RUNDC1: variants seen among roughly 807,000 people sequenced by gnomAD.
RUNDC1 encodes the protein RUN domain containing 1.
In RUNDC1, 31 loss-of-function variants were observed where a neutral mutation model predicts 49.3. That is an observed-to-expected ratio of 0.63 (90% CI 0.47 to 0.85). The LOEUF (loss-of-function observed/expected upper bound fraction) is 0.85, where lower values mean the gene tolerates loss of function less well. RUNDC1 is among the 40% of genes least tolerant of loss of function. The probability of loss-of-function intolerance (pLI) is 0.00; values close to 1 mark genes in which losing one functional copy is unlikely to be tolerated. For synonymous variants in RUNDC1, 347 were observed against 348.6 expected, an observed-to-expected ratio of 1.00 and a Z score of 0.05; for missense variants, 715 against 806.7, an observed-to-expected ratio of 0.89 and a Z score of 1.38.
Position 42,980,919 on chromosome 17 carries a change from G to A in RUNDC1, c.343G>A (p.Ala115Thr), listed in dbSNP as rs773602396. ...CCGCCTGCGCCAGGTGGTGCGCGGGGCGCCGGCGGAGCAGCAGCGCCTTCT... is the reference window on the plus strand; with the variant it reads ...CCGCCTGCGCCAGGTGGTGCGCGGGACGCCGGCGGAGCAGCAGCGCCTTCT... Reference protein sequence around the residue: ...QFRLRQVVRGAPAEQQRLLRE... With the variant: ...QFRLRQVVRGTPAEQQRLLRE... Residue 115 changes from alanine (A) to threonine (T), a missense_variant, in exon 1 of 5, where the codon GCG becomes ACG. Around this residue, in one of 5 missense-constraint regions of RUNDC1, gnomAD observed 113 missense variants for 93.4 expected, o/e 1.21. Coordinates refer to ENST00000361677, the MANE Select transcript of RUNDC1 (RefSeq NM_173079.5). 6 of 1,531,138 alleles carry A rather than the reference G, an allele frequency of 3.9e-6. No individual in the cohort carries two copies. The highest frequency in any genetic ancestry group is 2.1e-4 in the Middle Eastern group (1 of 4,856). 94.8% of individuals were successfully genotyped at this position (1,531,138 alleles called of 1,614,324 possible). A position where few individuals can be genotyped will look rare whatever the true frequency, so the allele number is the denominator to read the frequency against.
In RUNDC1 at chr17:42,992,099, C is replaced by T. The variant is rs536576102; in HGVS notation, c.*383C>T. 1.1e-5 allele frequency: 2 copies of T among 188,990 alleles called. No homozygotes were observed. The highest frequency in any genetic ancestry group is 9.6e-5 in the South Asian group (1 of 10,438). 11.7% of individuals were successfully genotyped at this position (188,990 alleles called of 1,614,324 possible). A position where few individuals can be genotyped will look rare whatever the true frequency, so the allele number is the denominator to read the frequency against. On this transcript the variant is annotated 3_prime_UTR_variant, in exon 5 of 5. Coordinates refer to ENST00000361677, the MANE Select transcript of RUNDC1 (RefSeq NM_173079.5). ...ACATGGTGGCAGGCACCTGTAGTCC[C>T]AGCTACTCGGGAGGCTGAGGCAGGA...
intron 1 of RUNDC1, among the ~76,000 whole-genome samples, chr17:42,982,903 C>T (rs1226456674): frequency 1.3e-5 from 2 of 151,122 alleles, no homozygotes; most frequent in African/African-American, 4.9e-5. Context: ...AGGAGAATCG[C>T]TTGAACCTGG....
intron 1 of RUNDC1, 194 bp downstream of exon 1, chr17:42,981,268 G>C (rs1232794082): frequency 1.5e-6 from 1 of 657,148 alleles, no homozygotes; most frequent in African/African-American, 1.9e-5. Flanking sequence ...GAACCTGAGG[G>C]TGAGCGGTGT....
chr17:42,990,210 GTT>G, intron 3 of RUNDC1, 105 bp from the exon 4 acceptor site: 1 of 1,426,724 alleles, frequency 7.0e-7, no homozygotes, highest in Non-Finnish European at 9.5e-7. Context: ...TAGGACAAGA[GTT>G]TGTGAAATTC....
In RUNDC1 at chr17:42,990,915, C is replaced by T. The variant is rs142045600; in HGVS notation, c.1041C>T (p.Ala347=). 1.5e-5 allele frequency: 24 copies of T among 1,611,548 alleles called. No homozygotes were observed. In the East Asian group the frequency reaches 1.6e-4, roughly 10 times the overall value. The change falls in exon 5 of 5, where the codon GCC becomes GCT. Residue 347 remains alanine (A), a synonymous_variant. Transcript: ENST00000361677. ...TGCACCTGATGCGGCGAGCGCTGGC[C>T]GTGCTCCAGATCTTTGCTGTTAGCC... The part of the protein sequence containing the change: ...TGLHLMRRAL[A]VLQIFAVSQF...
At chr17:42,988,029 G>A (rs2050192432) in intron 2 of RUNDC1, among the ~76,000 whole-genome samples, 1 of 152,150 alleles carries the variant, frequency 6.6e-6, no homozygotes, top group African/African-American at 2.4e-5. Context: ...TGGGATTACA[G>A]GCGTGAGCCA....
At chr17:42,987,221 C>G in intron 1 of RUNDC1, 35 bp from the exon 2 acceptor site, 1 of 1,595,724 alleles carries the variant, frequency 6.3e-7, no homozygotes, top group Non-Finnish European at 8.6e-7. Flanking sequence ...TTTCCCTTTG[C>G]CTGCATAATA....
At chr17:42,983,891 C>T (rs537833590) in intron 1 of RUNDC1, among the ~76,000 whole-genome samples, 94 of 151,880 alleles carry the variant, frequency 6.2e-4, no homozygotes, top group African/African-American at 2.2e-3. Context: ...AGGCTGGTCT[C>T]GAACTCCTGG....
chr17:42,990,491 G>A, intron 4 of RUNDC1, 55 bp downstream of exon 4: 1 of 1,574,266 alleles, frequency 6.4e-7, no homozygotes, highest in Non-Finnish European at 8.7e-7. Flanking sequence ...TAGATGAGTG[G>A]TTGCCTAGGG....
At position 42,984,753 on chromosome 17, in the gene RUNDC1, A is replaced by G. The variant is rs74369196; in HGVS notation, c.499-2503A>G. Among the ~76,000 whole-genome samples the G allele has an allele frequency of 9.5e-4, 113 of 119,038 alleles. 2 individuals carry two copies. In the East Asian group the frequency reaches 0.024, roughly 25 times the overall value. The allele number at this position is 119,038 out of a possible 152,430, so 78.1% of individuals were successfully genotyped here. On this transcript the variant is annotated intron_variant, in intron 1 of 4. Transcript: ENST00000361677. ...GGCTGATTTCTTTCTTCCCTGACAT[A>G]AAGTTGGGTAACAGTGAGAACAAAA...
rs1276056668 is a variant in RUNDC1 at position 42,990,864 on chromosome 17, T to C, written c.990T>C (p.Asp330=). Residue 330 remains aspartate, a synonymous_variant, in exon 5 of 5, where the codon GAT becomes GAC. Transcript: ENST00000361677. ...TTTTCTAAGCAGCAAAGGCAGAGGA[T>C]GTGAAGAAAGTCCGGGAGACGGGGC... ...PPGNSKTKAE[D]VKKVRETGLH... 6.3e-7 allele frequency: 1 copy of C among 1,594,590 alleles called. No homozygotes were observed. The highest frequency in any genetic ancestry group is 1.7e-5 in the Admixed American group (1 of 59,294).
chr17:42,988,563 A>T (rs1260501277), intron 2 of RUNDC1, among the ~76,000 whole-genome samples: 1 of 152,166 alleles, frequency 6.6e-6, no homozygotes, highest in Non-Finnish European at 1.5e-5. Flanking sequence ...TATTATCAGA[A>T]TTTTAAATTG....
chr17:42,989,514 T>C lies in RUNDC1; in HGVS notation c.831T>C (p.Leu277=). 2.5e-6 allele frequency: 4 copies of C among 1,612,426 alleles called. No individual in the cohort carries two copies. Among genetic ancestry groups the C allele is most frequent in the Non-Finnish European group, 3.4e-6 (4 of 1,178,436 alleles). ...AACTGAAAACTCAGATCCGAGACCT[T>C]GAGATGTTTATCAACTTCATCCAAG... ...VEQLKTQIRD[L]EMFINFIQDE... is the part of the protein sequence containing the mutation. Residue 277 remains leucine (L), a synonymous_variant, in exon 3 of 5, where the codon CTT becomes CTC. Coordinates refer to ENST00000361677, the MANE Select transcript of RUNDC1 (RefSeq NM_173079.5).
At chr17:42,985,495 G>T (rs1326078739) in intron 1 of RUNDC1, among the ~76,000 whole-genome samples, 2 of 152,132 alleles carry the variant, frequency 1.3e-5, no homozygotes, top group African/African-American at 4.8e-5. Context: ...GCTCTGAAAG[G>T]ATTACAGAGG....
rs1430181673 is a variant in RUNDC1, at chr17:42,990,425, G to A, written c.965G>A (p.Gly322Glu). The A allele has an allele frequency of 1.2e-6, 2 of 1,613,814 alleles. No homozygotes were observed. The highest frequency in any genetic ancestry group is 1.7e-6 in the Non-Finnish European group (2 of 1,179,990). The change falls in exon 4 of 5, where the codon GGA (glycine) becomes GAA (glutamate). Residue 322 changes from glycine to glutamate, a missense_variant. Transcript: ENST00000361677. ...ACAGGCAGCAGCAGAACGCCTCCAG[G>A]AAACAGCAAAAGTAAGTGCAGTTTC... ...SRTGSSRTPP[G>E]NSKTKAEDVK... is the part of the protein sequence containing the mutation.
chr17:42,981,145 G>A (rs1427693659), intron 1 of RUNDC1, 71 bp downstream of exon 1: 4 of 1,470,068 alleles, frequency 2.7e-6, no homozygotes, highest in Non-Finnish European at 1.8e-6. Flanking sequence ...TCCAGACCCG[G>A]ATGATGGTGC....
At chr17:42,981,973 G>A (rs557277089) in intron 1 of RUNDC1, 4 of 145,514 alleles carry the variant, frequency 2.7e-5, no homozygotes, top group African/African-American at 1.1e-4. Flanking sequence ...TGGAAGTGTT[G>A]AGGTACACTG....
chr17:42,981,584 AGC>A (rs2050089094), intron 1 of RUNDC1: 1 of 153,840 alleles, frequency 6.5e-6, no homozygotes, highest in Admixed American at 6.5e-5. Flanking sequence ...TTGGATTAAC[AGC>A]AGGGTCTCTT....
At chr17:42,981,767 G>A (rs2050095301) in intron 1 of RUNDC1, 1 of 151,522 alleles carries the variant, frequency 6.6e-6, no homozygotes, top group South Asian at 2.1e-4. Flanking sequence ...CCACCGTGCA[G>A]GCTATAATGT....
Sources: allele counts gnomAD v4.1 joint callset (sites outside exome capture counted in the v4.1 genomes callset), GRCh38; gene constraint gnomAD v4.1.1; regional missense constraint gnomAD v4.1.1; transcripts MANE v1.5; gene names NCBI Gene and HGNC (gene_info 2026-07-23, HGNC 2026-07-21).